ADAMTS17: variants seen among roughly 807,000 people sequenced by gnomAD.
ADAMTS17 encodes ADAM metallopeptidase with thrombospondin type 1 motif 17, also known as A disintegrin and metalloproteinase with thrombospondin motifs 17.
In ADAMTS17, 113 loss-of-function variants were observed where a neutral mutation model predicts 141.5. The ratio of observed to expected loss-of-function variants is 0.80; its 90% CI spans 0.69 to 0.93. ADAMTS17 has a LOEUF of 0.93. ADAMTS17 is among the 40% of genes least tolerant of loss of function. The pLI is 0.00. For synonymous variants in ADAMTS17, 768 were observed against 630.6 expected (o/e 1.22, Z -3.27); for missense variants, 1,659 against 1,517.9 (o/e 1.09, Z -1.54).
At chr15:100,077,461 C>CAAAAAAAAAAAAAA (rs61464362) in intron 15 of ADAMTS17, among the ~76,000 whole-genome samples, 1 of 139,334 alleles carries the variant, frequency 7.2e-6, no homozygotes, top group African/African-American at 2.7e-5. Context: ...GACTCCCTCT[C>CAAAAAAAAAAAAAA]AAAAAAAAAA....
chr15:100,136,091 A>C (rs2141260568), intron 10 of ADAMTS17, among the ~76,000 whole-genome samples: 1 of 152,332 alleles, frequency 6.6e-6, no homozygotes. Context: ...TAACGCAAAA[A>C]ATGTGTATGT....
At chr15:100,261,063 A>G (rs1215378429) in intron 6 of ADAMTS17, among the ~76,000 whole-genome samples, 3 of 152,244 alleles carry the variant, frequency 2.0e-5, no homozygotes, top group Non-Finnish European at 4.4e-5. Context: ...CCCCCAAAAA[A>G]GAAATGTCCA....
rs1030450689 is a variant in ADAMTS17 at position 100,206,509 on chromosome 15, A to C, written c.1076-7086T>G. 3.3e-5 allele frequency among the ~76,000 whole-genome samples: 5 copies of C among 152,212 alleles called. No homozygotes were observed. In the East Asian group the frequency reaches 9.7e-4, roughly 29 times the overall value. On this transcript the variant is annotated intron_variant, in intron 7 of 21. Transcript: ENST00000268070. ...GCCTATTTCGGTCAATAATTTTAAA[A>C]TGAACTTGCCTTAGTCCCACTTCAG...
intron 7 of ADAMTS17, among the ~76,000 whole-genome samples, chr15:100,211,130 AT>A (rs1474548128): frequency 2.4e-4 from 36 of 149,234 alleles, no homozygotes; most frequent in African/African-American, 7.6e-4. Context: ...AAATAAATAA[AT>A]AAATAAATAA....
At chr15:100,257,645 T>C (rs770871542) in intron 6 of ADAMTS17, among the ~76,000 whole-genome samples, 2 of 152,252 alleles carry the variant, frequency 1.3e-5, no homozygotes, top group Admixed American at 6.5e-5. Context: ...GATGAGGACA[T>C]TGCCCATGCC....
At chr15:100,255,613 G>C (rs2043299042) in intron 6 of ADAMTS17, among the ~76,000 whole-genome samples, 2 of 23,238 alleles carry the variant, frequency 8.6e-5, no homozygotes, top group South Asian at 2.0e-3. Flanking sequence ...CTCGTGTTTT[G>C]AGCAACACAC....
intron 7 of ADAMTS17, among the ~76,000 whole-genome samples, chr15:100,208,231 T>C (rs1349658223): frequency 1.3e-5 from 2 of 152,124 alleles, no homozygotes. Flanking sequence ...CGAATCTCAA[T>C]GAAAACCGAG....
intron 15 of ADAMTS17, among the ~76,000 whole-genome samples, chr15:100,081,428 C>G (rs1444480809): frequency 6.6e-6 from 1 of 152,216 alleles, no homozygotes; most frequent in African/African-American, 2.4e-5. Flanking sequence ...ATCTCCTCTA[C>G]AGAACCCTAA....
chr15:100,187,506 A>C (rs74494826), intron 8 of ADAMTS17, among the ~76,000 whole-genome samples: 11,931 of 152,220 alleles, frequency 0.078, 668 homozygotes, highest in African/African-American at 0.15. Flanking sequence ...CATATGATTC[A>C]TGTTGCAGCA....
intron 12 of ADAMTS17, among the ~76,000 whole-genome samples, chr15:100,118,152 T>A (rs956229746): frequency 4.6e-5 from 7 of 152,310 alleles, no homozygotes; most frequent in African/African-American, 1.7e-4. Flanking sequence ...ATAGTGAATA[T>A]TTTTGGTTTT....
In ADAMTS17 at chr15:100,261,560, C is replaced by A. The variant is rs1311123714; in HGVS notation, c.950G>T (p.Gly317Val). Residue 317 changes from glycine (G) to valine (V), a missense_variant, in exon 6 of 22, where the codon GGA (glycine) becomes GTA (valine). Transcript: ENST00000268070. ...FCHWQNEEYG[G>V]ARYLGNNQVP... The stretch of plus-strand genomic sequence containing the variant: ...CTGGTTATTGCCGAGGTATCGCGCT[C>A]CTCCATACTCCTCGTTCTGCCAGTG... The A allele has an allele frequency of 1.2e-6, 2 of 1,614,156 alleles. No homozygotes were observed. The highest frequency in any genetic ancestry group is 4.5e-5 in the East Asian group (2 of 44,872).
chr15:100,033,011 T>C (rs1238609534), intron 18 of ADAMTS17, among the ~76,000 whole-genome samples: 1 of 152,182 alleles, frequency 6.6e-6, no homozygotes, highest in Non-Finnish European at 1.5e-5. Context: ...GTTTTAAAAT[T>C]CTCTACTTTT....
intron 18 of ADAMTS17, among the ~76,000 whole-genome samples, chr15:100,026,125 T>C (rs1400759801): frequency 1.3e-5 from 2 of 152,226 alleles, no homozygotes; most frequent in Non-Finnish European, 2.9e-5. Context: ...TTGTTTGGCG[T>C]GTCCTTCAAC....
intron 19 of ADAMTS17, among the ~76,000 whole-genome samples, chr15:99,995,868 T>C (rs1335881399): frequency 2.6e-5 from 4 of 152,152 alleles, no homozygotes; most frequent in African/African-American, 9.7e-5. Context: ...GGCTGACTGG[T>C]GTGGTGCTCG....
chr15:100,138,753 T>C (rs975292857), intron 10 of ADAMTS17, among the ~76,000 whole-genome samples: 2 of 152,208 alleles, frequency 1.3e-5, no homozygotes, highest in Non-Finnish European at 1.5e-5. Context: ...ACACATGCCA[T>C]GTAGAATAAA....
intron 3 of ADAMTS17, among the ~76,000 whole-genome samples, chr15:100,321,107 A>C (rs1410261013): frequency 6.6e-6 from 1 of 152,204 alleles, no homozygotes; most frequent in Non-Finnish European, 1.5e-5. Flanking sequence ...AATCAAGATA[A>C]AGCATTTGAA....
chr15:100,199,843 C>T (rs1029306776), intron 7 of ADAMTS17, among the ~76,000 whole-genome samples: 4 of 152,158 alleles, frequency 2.6e-5, no homozygotes, highest in South Asian at 2.1e-4. Context: ...GGTAAGACAC[C>T]GAGGGTGCAA....
chr15:100,100,830 G>A (rs1174517781), intron 14 of ADAMTS17, among the ~76,000 whole-genome samples: 4 of 152,064 alleles, frequency 2.6e-5, no homozygotes, highest in African/African-American at 9.7e-5. Flanking sequence ...ATGAATTTAA[G>A]ACCCTCCATG....
intron 3 of ADAMTS17, among the ~76,000 whole-genome samples, chr15:100,296,495 T>C (rs1239785044): frequency 6.6e-6 from 1 of 152,196 alleles, no homozygotes; most frequent in Non-Finnish European, 1.5e-5. Context: ...ACCAAGTCAT[T>C]TTTATAAAAG....
Sources: gnomAD v4.1 joint callset for allele counts (sites outside exome capture counted in the v4.1 genomes callset) on GRCh38, gnomAD v4.1.1 for gene constraint, MANE v1.5 for transcripts, NCBI Gene and HGNC (gene_info 2026-07-23, HGNC 2026-07-21) for gene names.